DPP6: variants seen among roughly 807,000 people sequenced by gnomAD.
DPP6 encodes A-type potassium channel modulatory protein DPP6.
A neutral mutation model predicts 122.6 loss-of-function variants in DPP6; 69 were observed. The observed-to-expected ratio is 0.56, with a 90% CI of 0.46 to 0.69. The LOEUF (loss-of-function observed/expected upper bound fraction) is 0.69, where lower values mean the gene tolerates loss of function less well. Ranked by LOEUF, DPP6 falls within the 30% of genes least tolerant of loss-of-function variation. DPP6 has a pLI of 0.00. For missense variants in DPP6, 928 were observed against 1,116.9 expected, an observed-to-expected ratio of 0.83 and a Z score of 2.41; for synonymous variants, 418 against 433.1, an observed-to-expected ratio of 0.97 and a Z score of 0.43.
chr7:154,621,160 T>C (rs1834622859), intron 5 of DPP6, among the ~76,000 whole-genome samples: 1 of 152,166 alleles, frequency 6.6e-6, no homozygotes, highest in South Asian at 2.1e-4. Context: ...TTCCTCCCTA[T>C]CTGAGAAGTC....
chr7:154,708,829 C>A (rs1206352621), intron 7 of DPP6, among the ~76,000 whole-genome samples: 1 of 152,172 alleles, frequency 6.6e-6, no homozygotes, highest in African/African-American at 2.4e-5. Flanking sequence ...AGACGGAATA[C>A]CTGAGGTCAG....
chr7:154,862,779 A>G (rs1803519276), intron 17 of DPP6, among the ~76,000 whole-genome samples: 1 of 152,210 alleles, frequency 6.6e-6, no homozygotes, highest in African/African-American at 2.4e-5. Context: ...AGGACCAAAA[A>G]TAAATGCCAC....
chr7:154,114,427 G>A lies in DPP6; in HGVS notation c.243+61364G>A, dbSNP rs1354277386. On this transcript the variant is annotated intron_variant, in intron 1 of 25. Coordinates refer to ENST00000377770, the MANE Select transcript of DPP6 (RefSeq NM_130797.4). ...AGATCCTGTAAAGCAATCTTTCCAAGTCCTGAGCTTGACACAATAATAAAA... is the reference window on the plus strand; with the variant it reads ...AGATCCTGTAAAGCAATCTTTCCAAATCCTGAGCTTGACACAATAATAAAA... Among the ~76,000 whole-genome samples the A allele has an allele frequency of 2.6e-5, 4 of 152,186 alleles. No individual in the cohort carries two copies. In the East Asian group the frequency reaches 7.7e-4, roughly 29 times the overall value.
chr7:154,539,842 T>TA (rs1828575997), intron 3 of DPP6, among the ~76,000 whole-genome samples: 1 of 152,330 alleles, frequency 6.6e-6, no homozygotes, highest in African/African-American at 2.4e-5. Context: ...GGAGTGTTTT[T>TA]ATCTCATTGA....
chr7:154,747,950 A>T (rs1206243010), intron 8 of DPP6, among the ~76,000 whole-genome samples: 1 of 152,206 alleles, frequency 6.6e-6, no homozygotes, highest in Non-Finnish European at 1.5e-5. Flanking sequence ...AGTCACTGAG[A>T]TATGTTGATC....
intron 1 of DPP6, among the ~76,000 whole-genome samples, chr7:154,345,159 G>A (rs181857910): frequency 6.6e-6 from 1 of 152,216 alleles, no homozygotes; most frequent in East Asian, 1.9e-4. Context: ...GGGCAGCTTT[G>A]GTGTCTGGTG....
chr7:154,669,466 A>G (rs910801204), intron 7 of DPP6, 25 bp downstream of exon 7: 2 of 1,548,508 alleles, frequency 1.3e-6, no homozygotes, highest in Non-Finnish European at 1.7e-6. Flanking sequence ...TTCAGTAACT[A>G]TACTTGGGTT....
In DPP6 at chr7:154,631,979, C is replaced by T. The variant is rs117789759; in HGVS notation, c.628-5842C>T. On this transcript the variant is annotated intron_variant, in intron 5 of 25. Transcript: ENST00000377770. ...GCAAATTGGGCAGCCTCCTGAGCCACAATAGGCTCTGAGACTCCAGTGCAG... is the reference window on the plus strand; with the variant it reads ...GCAAATTGGGCAGCCTCCTGAGCCATAATAGGCTCTGAGACTCCAGTGCAG... Among the ~76,000 whole-genome samples the T allele has an allele frequency of 2.0e-5, 3 of 152,250 alleles. No individual in the cohort carries two copies. In the East Asian group the frequency reaches 5.8e-4, roughly 29 times the overall value.
intron 5 of DPP6, among the ~76,000 whole-genome samples, chr7:154,615,332 A>G (rs1834170121): frequency 6.6e-6 from 1 of 152,208 alleles, no homozygotes; most frequent in Admixed American, 6.5e-5. Context: ...TCTGGAGCCC[A>G]TGAACTCATG....
intron 7 of DPP6, among the ~76,000 whole-genome samples, chr7:154,702,936 C>A (rs1251984093): frequency 2.6e-5 from 4 of 152,248 alleles, no homozygotes; most frequent in African/African-American, 9.6e-5. Flanking sequence ...AAAGGACAGG[C>A]TGACTCTCTT....
At chr7:154,623,834 A>C (rs914686595) in intron 5 of DPP6, among the ~76,000 whole-genome samples, 1 of 152,272 alleles carries the variant, frequency 6.6e-6, no homozygotes, top group Non-Finnish European at 1.5e-5. Flanking sequence ...AAATACACAC[A>C]GCATAAACTT....
the DPP6 span, among the ~76,000 whole-genome samples, chr7:153,826,012 C>A: frequency 6.6e-6 from 1 of 152,132 alleles, no homozygotes; most frequent in Non-Finnish European, 1.5e-5. Flanking sequence ...TTGCCTGGTA[C>A]CATAAAATAA....
intron 14 of DPP6, 46 bp from the exon 15 acceptor site, chr7:154,804,871 G>T: frequency 6.3e-7 from 1 of 1,576,622 alleles, no homozygotes. Context: ...AAGTGCAGAC[G>T]TGCCTTGGAG....
chr7:154,272,722 T>A (rs12703334), intron 1 of DPP6, among the ~76,000 whole-genome samples: 79,935 of 152,006 alleles, frequency 0.53, 21,961 homozygotes, highest in African/African-American at 0.71. Flanking sequence ...CAATAGAGCC[T>A]GAGATGGCTG....
At chr7:153,886,650 T>C (rs1798927283), upstream of DPP6, among the ~76,000 whole-genome samples, 1 of 152,122 alleles carries the variant, frequency 6.6e-6, no homozygotes, top group Non-Finnish European at 1.5e-5. Context: ...CACTGCAAGG[T>C]CCTCTGCGCC....
intron 1 of DPP6, among the ~76,000 whole-genome samples, chr7:153,889,338 T>C (rs1799087248): frequency 6.6e-6 from 1 of 152,252 alleles, no homozygotes; most frequent in Non-Finnish European, 1.5e-5. Flanking sequence ...TAGAAACGTG[T>C]ATGGAGTAAT....
chr7:154,215,134 T>C (rs1384285643), intron 1 of DPP6, among the ~76,000 whole-genome samples: 3 of 152,162 alleles, frequency 2.0e-5, no homozygotes, highest in African/African-American at 7.2e-5. Context: ...TCTACATGGC[T>C]GGGGAGGTCT....
intron 1 of DPP6, among the ~76,000 whole-genome samples, chr7:154,202,892 G>A (rs1369818313): frequency 6.6e-6 from 1 of 152,140 alleles, no homozygotes; most frequent in East Asian, 1.9e-4. Context: ...CCAAATGTCA[G>A]CTAACAGGCA....
the DPP6 span, among the ~76,000 whole-genome samples, chr7:153,803,560 G>A: frequency 1.3e-5 from 2 of 151,846 alleles, no homozygotes; most frequent in Non-Finnish European, 2.9e-5. Context: ...GGACTCATAC[G>A]GAATTATATC....
Sources: gnomAD v4.1 joint callset for allele counts (sites outside exome capture counted in the v4.1 genomes callset) on GRCh38, gnomAD v4.1.1 for gene constraint, MANE v1.5 for transcripts, NCBI Gene and HGNC (gene_info 2026-07-23, HGNC 2026-07-21) for gene names.